Variants in LMNB2 observed in about 807,000 individuals in gnomAD.
The protein encoded by LMNB2 is lamin-B2.
LMNB2 carries 17 observed loss-of-function variants against 69.3 expected under a neutral mutation model. The ratio of observed to expected loss-of-function variants is 0.25; its 90% CI spans 0.17 to 0.37. LMNB2 has a LOEUF of 0.37. LMNB2 is among the 10% of genes least tolerant of loss of function. LMNB2 has a pLI of 1.00. For missense variants in LMNB2, 789 were observed against 883.6 expected (o/e 0.89, Z 1.36); for synonymous variants, 397 against 389.3 (o/e 1.02, Z -0.23).
rs1380600915 is a variant in LMNB2, at chr19:2,447,192, A to C, written c.265-2652T>G. On this transcript the variant is annotated intron_variant, in intron 1 of 11. Transcript: ENST00000325327. This position sits in a 1 kb window ranked among gnomAD's most constrained non-coding sequence, Gnocchi z 4.4. ...AATGAAAAATAAAAATAAATAAAAA[A>C]ATAAAAGCAATGCGGTCCCTCCACC... Among the ~76,000 whole-genome samples, 1 of 152,116 alleles carries C rather than the reference A, an allele frequency of 6.6e-6. No individual in the cohort carries two copies. The highest frequency in any genetic ancestry group is 1.5e-5 in the Non-Finnish European group (1 of 68,030).
Position 2,431,550 on chromosome 19 carries a change from G to A in LMNB2, c.1819C>T (p.Gln607Ter). The A allele has an allele frequency of 6.2e-7, 1 of 1,614,102 alleles. No homozygotes were observed. The highest frequency in any genetic ancestry group is 8.5e-7 in the Non-Finnish European group (1 of 1,179,970). The change falls in exon 11 of 12, where the codon CAG becomes TAG. Residue 607 changes from glutamine (Q) to a stop codon, truncating the protein, a stop_gained and splice_region_variant. Transcript: ENST00000325327. LOFTEE classifies it high-confidence loss of function. ...GCAAGTGGGCACAGGGGTCCTACCT[G>A]TTGGTGGAAAAGATCCTCCTCGCCA... is the stretch of plus-strand genomic sequence containing the variant. ...EFGEEDLFHQ[Q>*]GDPRTTSRGC...
intron 4 of LMNB2, 99 bp downstream of exon 4, chr19:2,438,064 C>T (rs1971848815): frequency 1.9e-6 from 3 of 1,579,154 alleles, no homozygotes; most frequent in East Asian, 2.2e-5. Flanking sequence ...TGGGAGGGAC[C>T]CCGGCCACAC....
At chr19:2,444,157 C>T (rs938985975) in intron 2 of LMNB2, among the ~76,000 whole-genome samples, 2 of 152,178 alleles carry the variant, frequency 1.3e-5, no homozygotes, top group Non-Finnish European at 2.9e-5. Flanking sequence ...GGGAGGCTCG[C>T]GGGAGATTTT....
chr19:2,443,766 T>C lies in LMNB2; in HGVS notation c.401+638A>G, dbSNP rs904085696. Among the ~76,000 whole-genome samples the C allele has an allele frequency of 2.6e-5, 4 of 152,112 alleles. No individual in the cohort carries two copies. The highest frequency in any genetic ancestry group is 4.8e-5 in the African/African-American group (2 of 41,422). On this transcript the variant is annotated intron_variant, in intron 2 of 11. Coordinates refer to ENST00000325327, the MANE Select transcript of LMNB2 (RefSeq NM_032737.4). The surrounding 1 kb of genome is among the most constrained non-coding windows in gnomAD (Gnocchi z 6.2). ...CTGGCTCCTCTGAATAAATATTCCT[T>C]TTGTCATCATCGTTCTGTTTAAATT...
chr19:2,448,485 C>G (rs1971984178), intron 1 of LMNB2, among the ~76,000 whole-genome samples: 1 of 152,226 alleles, frequency 6.6e-6, no homozygotes, highest in Non-Finnish European at 1.5e-5. Context: ...AACAGCAACT[C>G]TGCAATGGCA....
At chr19:2,448,174 C>G (rs1282182799) in intron 1 of LMNB2, among the ~76,000 whole-genome samples, 3 of 152,124 alleles carry the variant, frequency 2.0e-5, no homozygotes, top group Non-Finnish European at 4.4e-5. Flanking sequence ...TGGGAACAGA[C>G]TTCTAGAAAA....
chr19:2,451,538 G>A (rs529834126), intron 1 of LMNB2, among the ~76,000 whole-genome samples: 7 of 152,338 alleles, frequency 4.6e-5, no homozygotes, highest in Admixed American at 1.3e-4. Flanking sequence ...TTGAGCCTGC[G>A]GAACGGGTGT....
rs775811254 is a variant in LMNB2 at position 2,432,430 on chromosome 19, C to A, written c.1576G>T (p.Gly526Cys). ...CCACCACCTACCGTGACCATCTGGC[C>A]GGCGCGCAGGATGTACTTGGGCGTG... Reference protein sequence around the residue: ...KFTPKYILRAGQMVTVWAAGA... With the variant: ...KFTPKYILRACQMVTVWAAGA... The change falls in exon 9 of 12, where the codon GGC becomes TGC. Residue 526 changes from glycine (G) to cysteine (C), a missense_variant. Gly to Cys is a radical substitution (Grantham distance 159, BLOSUM62 -3). Transcript: ENST00000325327. The A allele has an allele frequency of 6.2e-7, 1 of 1,613,008 alleles. No individual in the cohort carries two copies. Among genetic ancestry groups the A allele is most frequent in the Non-Finnish European group, 8.5e-7 (1 of 1,179,860 alleles).
At chr19:2,444,742 G>A (rs144005073) in intron 1 of LMNB2, among the ~76,000 whole-genome samples, 29 of 152,312 alleles carry the variant, frequency 1.9e-4, no homozygotes, top group African/African-American at 6.7e-4. Context: ...GGGAGGGTCC[G>A]GTAACCAGGA....
intron 1 of LMNB2, among the ~76,000 whole-genome samples, chr19:2,445,750 G>C (rs535684202): frequency 2.6e-3 from 19 of 7,254 alleles, no homozygotes; most frequent in Admixed American, 6.2e-3. Context: ...CGGCCCCCAC[G>C]TTTCACCCCT....
intron 1 of LMNB2, among the ~76,000 whole-genome samples, chr19:2,446,041 A>C (rs1489412961): frequency 2.9e-4 from 8 of 27,476 alleles, no homozygotes; most frequent in African/African-American, 3.6e-4. Context: ...CCCCTCAATC[A>C]CAGGGATCTG....
intron 1 of LMNB2, among the ~76,000 whole-genome samples, chr19:2,449,190 C>T (rs1025429652): frequency 6.6e-6 from 1 of 152,254 alleles, no homozygotes; most frequent in African/African-American, 2.4e-5. Context: ...AGCCACCGCA[C>T]CCAGCCCTTT....
chr19:2,456,391 C>T (rs1972089474), intron 1 of LMNB2, among the ~76,000 whole-genome samples: 1 of 150,408 alleles, frequency 6.6e-6, no homozygotes, highest in East Asian at 2.0e-4. Context: ...CGAACTGCAC[C>T]GCTCACTCAG....
At position 2,430,547 on chromosome 19, in the gene LMNB2, T is replaced by C. The variant is rs1971726906; in HGVS notation, c.*364A>G. The C allele has an allele frequency of 2.7e-6, 1 of 371,642 alleles. No homozygotes were observed. Among genetic ancestry groups the C allele is most frequent in the South Asian group, 2.3e-5 (1 of 42,992 alleles). 23.0% of individuals were successfully genotyped at this position (371,642 alleles called of 1,614,324 possible). ...CACCACCACTGAATTCCTACGCAGTTTCCGCGCTCCGTCCGCAGCAGGGCC... is the reference window on the plus strand; with the variant it reads ...CACCACCACTGAATTCCTACGCAGTCTCCGCGCTCCGTCCGCAGCAGGGCC... On this transcript the variant is annotated 3_prime_UTR_variant, in exon 12 of 12. Coordinates refer to ENST00000325327, the MANE Select transcript of LMNB2 (RefSeq NM_032737.4).
At position 2,429,796 on chromosome 19, in the gene LMNB2, AT is replaced by A. The variant is rs1971713242; in HGVS notation, c.*1114del. On this transcript the variant is annotated 3_prime_UTR_variant, in exon 12 of 12. Transcript: ENST00000325327. ...AAAAAAATAAATATCCATTAAAAAA[AT>A]AACTTCTGTGTATCTATGAGGGAGG... 6.6e-6 allele frequency: 1 copy of A among 152,240 alleles called. No homozygotes were observed. The highest frequency in any genetic ancestry group is 2.4e-5 in the African/African-American group (1 of 41,450). The allele number at this position is 152,240 out of a possible 1,614,324, so 9.4% of individuals were successfully genotyped here.
chr19:2,456,377 T>C (rs1972088910), intron 1 of LMNB2, among the ~76,000 whole-genome samples: 1 of 149,364 alleles, frequency 6.7e-6, no homozygotes, highest in Admixed American at 6.6e-5. Context: ...GGGCGGGGCC[T>C]GGCCGAACTG....
At chr19:2,441,144 C>T (rs1341143530) in intron 2 of LMNB2, among the ~76,000 whole-genome samples, 1 of 152,246 alleles carries the variant, frequency 6.6e-6, no homozygotes, top group Non-Finnish European at 1.5e-5. Flanking sequence ...ACTGTGTAAA[C>T]AGGTCTCTCG....
chr19:2,437,271 C>G (rs556132099), intron 4 of LMNB2: 1 of 152,638 alleles, frequency 6.6e-6, no homozygotes, highest in East Asian at 1.9e-4. Flanking sequence ...GGCAGAGGCC[C>G]CAGGTGAGGG....
At chr19:2,450,498 A>T (rs1972010263) in intron 1 of LMNB2, among the ~76,000 whole-genome samples, 1 of 151,764 alleles carries the variant, frequency 6.6e-6, no homozygotes, top group African/African-American at 2.4e-5. Context: ...AAGTGCTGGG[A>T]TTACAGGCAT....
Sources: gnomAD v4.1 joint callset for allele counts (sites outside exome capture counted in the v4.1 genomes callset) on GRCh38, gnomAD v4.1.1 for gene constraint, Gnocchi (gnomAD v3.1) non-coding constraint, MANE v1.5 for transcripts, NCBI Gene and HGNC (gene_info 2026-07-23, HGNC 2026-07-21) for gene names.